LANCL2: variants seen among roughly 807,000 people sequenced by gnomAD.
LANCL2 encodes the protein LanC like glutathione S-transferase 2.
A neutral mutation model predicts 56.9 loss-of-function variants in LANCL2; 33 were observed. The observed-to-expected ratio is 0.58, with a 90% CI of 0.44 to 0.78. The LOEUF is 0.78. Ranked by LOEUF, LANCL2 falls within the 30% of genes least tolerant of loss-of-function variation. The pLI, the probability that LANCL2 is intolerant of heterozygous loss-of-function variation, is 0.00. For synonymous variants in LANCL2, 233 were observed against 228.2 expected (o/e 1.02, Z -0.19); for missense variants, 562 against 580.2 (o/e 0.97, Z 0.32).
intron 1 of LANCL2, among the ~76,000 whole-genome samples, chr7:55,385,331 A>C (rs1790113139): frequency 6.6e-6 from 1 of 152,162 alleles, no homozygotes; most frequent in Non-Finnish European, 1.5e-5. Flanking sequence ...AAGAAGGAAA[A>C]GATGTTGCAA....
intron 6 of LANCL2, among the ~76,000 whole-genome samples, chr7:55,419,082 A>C (rs1363169173): frequency 6.6e-6 from 1 of 151,936 alleles, no homozygotes; most frequent in Non-Finnish European, 1.5e-5. Flanking sequence ...TTTTCTATAA[A>C]ATCTTTGTTT....
chr7:55,390,016 T>C (rs1019818642), intron 1 of LANCL2, among the ~76,000 whole-genome samples: 1 of 152,186 alleles, frequency 6.6e-6, no homozygotes, highest in African/African-American at 2.4e-5. Flanking sequence ...GCTGCAAGCC[T>C]TAGTTCCTAA....
chr7:55,396,443 C>T (rs1790253713), intron 2 of LANCL2, among the ~76,000 whole-genome samples: 2 of 152,250 alleles, frequency 1.3e-5, no homozygotes, highest in South Asian at 2.1e-4. Flanking sequence ...TGCCTAGCTC[C>T]AGCTGGTTCT....
intron 5 of LANCL2, among the ~76,000 whole-genome samples, chr7:55,404,588 A>C (rs10441468): frequency 0.27 from 41,674 of 151,940 alleles, 6,357 homozygotes; most frequent in Non-Finnish European, 0.35. Context: ...ATATGCATAT[A>C]GTTCATTTTG....
chr7:55,372,544 G>T (rs1026235360), intron 1 of LANCL2, among the ~76,000 whole-genome samples: 14 of 152,198 alleles, frequency 9.2e-5, no homozygotes, highest in African/African-American at 3.1e-4. Context: ...TCACTGGATT[G>T]TTATAATGGC....
Position 55,400,015 on chromosome 7 carries a change from C to T in LANCL2, c.589C>T (p.Leu197Phe), listed in dbSNP as rs751014602. The T allele has an allele frequency of 7.4e-5, 119 of 1,613,796 alleles. No individual in the cohort carries two copies. Among genetic ancestry groups the T allele is most frequent in the Non-Finnish European group, 9.7e-5 (115 of 1,179,910 alleles). The change falls in exon 4 of 9, where the codon CTT (leucine) becomes TTT (phenylalanine). Residue 197 changes from leucine to phenylalanine, a missense_variant. By Grantham distance (22) the Leu-to-Phe change is conservative. Transcript: ENST00000254770. ...CQESDLPDEL[L>F]YGRAGYLYAL... Reference sequence around the variant, plus strand: ...AGAATCAGACCTTCCTGATGAGCTGCTTTATGGACGGGCAGGTTATCTGTA... The same window carrying T: ...AGAATCAGACCTTCCTGATGAGCTGTTTTATGGACGGGCAGGTTATCTGTA...
chr7:55,390,985 T>G, intron 1 of LANCL2, among the ~76,000 whole-genome samples: 1 of 151,668 alleles, frequency 6.6e-6, no homozygotes, highest in Non-Finnish European at 1.5e-5. Flanking sequence ...TGTTTTTATT[T>G]GCATTTCATT....
At chr7:55,429,672 T>C (rs918798262) in intron 8 of LANCL2, among the ~76,000 whole-genome samples, 2 of 152,280 alleles carry the variant, frequency 1.3e-5, no homozygotes, top group Non-Finnish European at 2.9e-5. Flanking sequence ...TGTAGTCCTC[T>C]ATGTCATAAA....
intron 5 of LANCL2, among the ~76,000 whole-genome samples, chr7:55,403,111 G>A (rs1318225649): frequency 1.3e-5 from 2 of 152,190 alleles, no homozygotes; most frequent in African/African-American, 2.4e-5. Context: ...AGGTTGTAGC[G>A]AGCCGAGATC....
rs1790727228 is a variant in LANCL2, at chr7:55,431,530, A to T, written c.*210A>T. ...TAAAATATGACTTCTTCACATACAG[A>T]TTCTCTGTAGTGTTTGCATGTTTCT... is the stretch of plus-strand genomic sequence containing the variant. On this transcript the variant is annotated 3_prime_UTR_variant, in exon 9 of 9. Transcript: ENST00000254770. The T allele has an allele frequency of 1.9e-6, 1 of 518,624 alleles. No homozygotes were observed. Among genetic ancestry groups the T allele is most frequent in the East Asian group, 3.2e-5 (1 of 31,374 alleles). 32.1% of individuals were successfully genotyped at this position (518,624 alleles called of 1,614,324 possible).
At chr7:55,413,121 A>G (rs1790489510) in intron 6 of LANCL2, among the ~76,000 whole-genome samples, 1 of 152,256 alleles carries the variant, frequency 6.6e-6, no homozygotes, top group Non-Finnish European at 1.5e-5. Context: ...TGGTCAGTGA[A>G]ACACAATGAA....
rs1404379235 is a variant in LANCL2, at chr7:55,432,164, A to G, written c.*844A>G. The G allele has an allele frequency of 6.6e-6, 1 of 152,270 alleles. No homozygotes were observed. Among genetic ancestry groups the G allele is most frequent in the Non-Finnish European group, 1.5e-5 (1 of 68,052 alleles). The allele number at this position is 152,270 out of a possible 1,614,324, so 9.4% of individuals were successfully genotyped here. ...ACTAAAACAGGCTCCACCTCAGTTT[A>G]TCAACATTATAAGTTACTGTTCTAA... On this transcript the variant is annotated 3_prime_UTR_variant, in exon 9 of 9. Transcript: ENST00000254770.
At chr7:55,390,399 TG>T (rs1790173118) in intron 1 of LANCL2, among the ~76,000 whole-genome samples, 2 of 152,096 alleles carry the variant, frequency 1.3e-5, no homozygotes, top group Admixed American at 1.3e-4. Context: ...TGAGGTCAGG[TG>T]TTCAAGACCA....
chr7:55,384,276 G>A (rs570453430), intron 1 of LANCL2, among the ~76,000 whole-genome samples: 20 of 152,310 alleles, frequency 1.3e-4, no homozygotes, highest in Admixed American at 2.6e-4. Context: ...ATGCAGGGCC[G>A]GGTGCAGTGG....
chr7:55,410,842 C>T (rs984738791), intron 5 of LANCL2, among the ~76,000 whole-genome samples: 2 of 152,126 alleles, frequency 1.3e-5, no homozygotes, highest in Non-Finnish European at 2.9e-5. Flanking sequence ...GTGGCATTAA[C>T]ATGTCACTCT....
chr7:55,384,492 C>CAGTG (rs1790103696), intron 1 of LANCL2, among the ~76,000 whole-genome samples: 1 of 152,046 alleles, frequency 6.6e-6, no homozygotes, highest in African/African-American at 2.4e-5. Context: ...GCGGAGCTTG[C>CAGTG]AGTGAGTCAA....
At chr7:55,407,772 T>C (rs538370802) in intron 5 of LANCL2, among the ~76,000 whole-genome samples, 106 of 152,354 alleles carry the variant, frequency 7.0e-4, no homozygotes, top group Middle Eastern at 3.4e-3. Flanking sequence ...TGTGGACTCA[T>C]GAAGCCTCTG....
At chr7:55,420,238 C>T (rs2128996097) in intron 6 of LANCL2, among the ~76,000 whole-genome samples, 1 of 152,192 alleles carries the variant, frequency 6.6e-6, no homozygotes, top group African/African-American at 2.4e-5. Flanking sequence ...GCTCTGTTCC[C>T]AAATATTTTA....
intron 1 of LANCL2, among the ~76,000 whole-genome samples, chr7:55,370,393 C>T (rs1323607954): frequency 1.3e-5 from 2 of 152,184 alleles, no homozygotes; most frequent in African/African-American, 4.8e-5. Flanking sequence ...ATCCAGCCCA[C>T]GCTCAAGTGG....
Sources: gnomAD v4.1 joint callset for allele counts (sites outside exome capture counted in the v4.1 genomes callset) on GRCh38, gnomAD v4.1.1 for gene constraint, MANE v1.5 for transcripts, NCBI Gene and HGNC (gene_info 2026-07-23, HGNC 2026-07-21) for gene names.